The following MGAT4C variants were observed in gnomAD, a reference collection of about 807,000 sequenced individuals.
MGAT4C encodes alpha-1,3-mannosyl-glycoprotein 4-beta-N-acetylglucosaminyltransferase C.
Under a neutral mutation model 40.1 loss-of-function variants are expected in MGAT4C, and 19 were observed. The ratio of observed to expected loss-of-function variants is 0.47; its 90% CI spans 0.33 to 0.70. MGAT4C has a LOEUF of 0.70. MGAT4C is among the 30% of genes least tolerant of loss of function. MGAT4C has a pLI of 0.02. For synonymous variants in MGAT4C, 181 were observed against 187.1 expected (o/e 0.97, Z 0.27); for missense variants, 491 against 563.2 (o/e 0.87, Z 1.30).
In MGAT4C at chr12:86,645,211, A is replaced by C. The variant is rs181297736; in HGVS notation, c.-229+81998T>G. Among the ~76,000 whole-genome samples the C allele has an allele frequency of 3.3e-5, 5 of 151,856 alleles. No individual in the cohort carries two copies. The East Asian group carries it at 9.7e-4, about 30-fold the overall frequency. ...AAATACCAAGAAAAAGTTCTAATTG[A>C]ATGAAACACAACCTTTAGCAGTGCA... On this transcript the variant is annotated intron_variant, in intron 2 of 7. Coordinates refer to the MGAT4C transcript ENST00000548651.
chr12:86,185,384 T>G (rs1471764825), intron 1 of MGAT4C, among the ~76,000 whole-genome samples: 1 of 152,174 alleles, frequency 6.6e-6, no homozygotes, highest in East Asian at 1.9e-4. Context: ...CAAAGTTTAT[T>G]GAGAACAGTT....
intron 3 of MGAT4C, among the ~76,000 whole-genome samples, chr12:86,335,429 A>C (rs996341582): frequency 6.6e-6 from 1 of 152,088 alleles, no homozygotes; most frequent in African/African-American, 2.4e-5. Context: ...TCTATGGGAG[A>C]GTATAAGCCT....
chr12:86,153,581 A>C (rs944748024), intron 1 of MGAT4C, among the ~76,000 whole-genome samples: 2 of 152,212 alleles, frequency 1.3e-5, no homozygotes, highest in Non-Finnish European at 2.9e-5. Context: ...AGGGACCTGT[A>C]ACCTGCATGT....
chr12:86,197,156 C>A (rs1949847660), intron 1 of MGAT4C, among the ~76,000 whole-genome samples: 1 of 152,170 alleles, frequency 6.6e-6, no homozygotes, highest in Non-Finnish European at 1.5e-5. Flanking sequence ...CACTTTATGG[C>A]AAGACTGCCT....
chr12:86,829,308 A>G (rs1952872885), intron 1 of MGAT4C, among the ~76,000 whole-genome samples: 2 of 151,624 alleles, frequency 1.3e-5, no homozygotes, highest in African/African-American at 4.8e-5. Context: ...ATTATTTAAC[A>G]TATGCATTTA....
chr12:86,231,973 T>C (rs1566187249), intron 1 of MGAT4C, among the ~76,000 whole-genome samples: 1 of 152,028 alleles, frequency 6.6e-6, no homozygotes. Flanking sequence ...ACCCCATTTC[T>C]ACTAAAGATA....
At chr12:86,339,903 G>A (rs1056149515) in intron 3 of MGAT4C, among the ~76,000 whole-genome samples, 4 of 152,010 alleles carry the variant, frequency 2.6e-5, no homozygotes, top group Non-Finnish European at 5.9e-5. Context: ...TTTCTTCTAG[G>A]CTACAGTACA....
intron 3 of MGAT4C, among the ~76,000 whole-genome samples, chr12:86,344,590 C>T (rs553994387): frequency 6.6e-6 from 1 of 152,052 alleles, no homozygotes; most frequent in Non-Finnish European, 1.5e-5. Flanking sequence ...ATTGATTGTA[C>T]TTTACACACA....
intron 3 of MGAT4C, among the ~76,000 whole-genome samples, chr12:86,335,322 C>T (rs1359434914): frequency 6.6e-6 from 1 of 152,034 alleles, no homozygotes; most frequent in Non-Finnish European, 1.5e-5. Context: ...CTGCACCTTG[C>T]TAGTTTTACA....
At chr12:86,602,285 C>G (rs1961813181) in intron 2 of MGAT4C, among the ~76,000 whole-genome samples, 1 of 152,086 alleles carries the variant, frequency 6.6e-6, no homozygotes, top group Non-Finnish European at 1.5e-5. Context: ...CGCCAGTGGC[C>G]ACAGAGGTTT....
intron 2 of MGAT4C, among the ~76,000 whole-genome samples, chr12:86,588,785 C>G (rs1381923721): frequency 1.3e-5 from 2 of 151,964 alleles, no homozygotes; most frequent in Non-Finnish European, 2.9e-5. Context: ...AGCTGAACAA[C>G]CTGCTCCTGA....
At chr12:86,060,236 A>G (rs1342892731) in intron 1 of MGAT4C, among the ~76,000 whole-genome samples, 1 of 152,204 alleles carries the variant, frequency 6.6e-6, no homozygotes, top group Non-Finnish European at 1.5e-5. Flanking sequence ...CATTGAAAGG[A>G]TAAAGAATTG....
intron 1 of MGAT4C, among the ~76,000 whole-genome samples, chr12:86,823,634 G>A (rs540901676): frequency 6.6e-6 from 1 of 150,624 alleles, no homozygotes; most frequent in East Asian, 2.0e-4. Flanking sequence ...GATAGAAAAT[G>A]GGCAAAAAAT....
intron 3 of MGAT4C, among the ~76,000 whole-genome samples, chr12:86,361,636 C>A (rs2136202230): frequency 6.6e-6 from 1 of 152,244 alleles, no homozygotes; most frequent in East Asian, 1.9e-4. Context: ...AACAAATTTA[C>A]AAGAAAAAAT....
At position 86,297,776 on chromosome 12, in the gene MGAT4C, G is replaced by A. The variant is rs571171128; in HGVS notation, c.-57+36289C>T. 9.2e-5 allele frequency among the ~76,000 whole-genome samples: 14 copies of A among 152,118 alleles called. No individual in the cohort carries two copies. In the South Asian group the frequency reaches 2.1e-3, roughly 23 times the overall value. The stretch of plus-strand genomic sequence containing the variant: ...TAACAAAAGAAAAAAAGGGAGGATC[G>A]TTCATCCTATCTATTCAGACACACT... On this transcript the variant is annotated intron_variant, in intron 4 of 7. Transcript: ENST00000548651.
intron 1 of MGAT4C, among the ~76,000 whole-genome samples, chr12:86,212,683 TC>T (rs1169932590): frequency 7.0e-6 from 1 of 143,190 alleles, no homozygotes; most frequent in Non-Finnish European, 1.5e-5. Flanking sequence ...GGTCAGGAGA[TC>T]GAGACCATCC....
chr12:86,228,987 T>C (rs1704937150), intron 1 of MGAT4C, among the ~76,000 whole-genome samples: 1 of 151,878 alleles, frequency 6.6e-6, no homozygotes, highest in Non-Finnish European at 1.5e-5. Context: ...ATGAAATGTG[T>C]GCAGATTTGG....
intron 2 of MGAT4C, among the ~76,000 whole-genome samples, chr12:86,623,128 G>C (rs1444946374): frequency 1.3e-5 from 2 of 152,094 alleles, no homozygotes; most frequent in Non-Finnish European, 2.9e-5. Flanking sequence ...CCTAATAATT[G>C]TGTAGAGTCT....
chr12:86,489,590 C>T (rs1431303008), intron 2 of MGAT4C, among the ~76,000 whole-genome samples: 1 of 152,198 alleles, frequency 6.6e-6, no homozygotes, highest in African/African-American at 2.4e-5. Context: ...GGATCACAGG[C>T]ACCCTGACCT....
Sources: gnomAD v4.1 joint callset for allele counts (sites outside exome capture counted in the v4.1 genomes callset) on GRCh38, gnomAD v4.1.1 for gene constraint, MANE v1.5 for transcripts, NCBI Gene and HGNC (gene_info 2026-07-23, HGNC 2026-07-21) for gene names.